HEATR5A: variants seen among roughly 807,000 people sequenced by gnomAD.
HEATR5A encodes the protein HEAT repeat containing 5A.
In HEATR5A, 178 loss-of-function variants were observed where a neutral mutation model predicts 218.8. The ratio of observed to expected loss-of-function variants is 0.81; its 90% CI spans 0.72 to 0.92. The LOEUF (loss-of-function observed/expected upper bound fraction) is 0.92. Among genes scored for constraint, HEATR5A ranks in the 40% least tolerant of loss-of-function variants. The pLI, the probability that HEATR5A is intolerant of heterozygous loss-of-function variation, is 0.00. For missense variants in HEATR5A, 2,420 were observed against 2,418.9 expected (o/e 1.00, Z -0.01); for synonymous variants, 864 against 871.6 (o/e 0.99, Z 0.15).
intron 22 of HEATR5A, chr14:31,334,436 C>T (rs1457862210): frequency 2.2e-6 from 1 of 455,898 alleles, no homozygotes; most frequent in African/African-American, 2.0e-5. Flanking sequence ...GAATCTACTC[C>T]TGGTGAAGAT....
chr14:31,357,629 T>A (rs952014868), intron 16 of HEATR5A, among the ~76,000 whole-genome samples: 9 of 152,216 alleles, frequency 5.9e-5, no homozygotes, highest in Non-Finnish European at 1.3e-4. Context: ...TCATTCTCAA[T>A]GAGAAATCAT....
chr14:31,367,700 G>A (rs1901857656), intron 13 of HEATR5A, among the ~76,000 whole-genome samples: 1 of 147,054 alleles, frequency 6.8e-6, no homozygotes, highest in Non-Finnish European at 1.5e-5. Flanking sequence ...ATTATAGCAT[G>A]AGCCACTGTG....
intron 17 of HEATR5A, 123 bp downstream of exon 17, chr14:31,350,489 A>G (rs1252174297): frequency 1.3e-5 from 8 of 623,696 alleles, no homozygotes; most frequent in Non-Finnish European, 2.2e-5. Context: ...ACTTTTCATC[A>G]AGAGATTAAG....
At chr14:31,375,915 C>A (rs1049026612) in intron 11 of HEATR5A, among the ~76,000 whole-genome samples, 2 of 152,108 alleles carry the variant, frequency 1.3e-5, no homozygotes, top group African/African-American at 4.8e-5. Flanking sequence ...GCTTTTCTCC[C>A]CAGGTACTTT....
chr14:31,295,908 C>G lies in HEATR5A; in HGVS notation c.5619+1G>C. The G allele has an allele frequency of 6.2e-7, 1 of 1,612,708 alleles. No individual in the cohort carries two copies. Among genetic ancestry groups the G allele is most frequent in the Non-Finnish European group, 8.5e-7 (1 of 1,179,032 alleles). Reference sequence around the variant, plus strand: ...ACATCTTTCTGCTAAAAGACACTTACCACAGGATCTTTTATCTCAAGAGTA... The same window carrying G: ...ACATCTTTCTGCTAAAAGACACTTAGCACAGGATCTTTTATCTCAAGAGTA... On this transcript the variant is annotated splice_donor_variant, in intron 34 of 35. Transcript: ENST00000543095. LOFTEE classifies it high-confidence loss of function.
chr14:31,402,771 G>A, intron 2 of HEATR5A, 79 bp downstream of exon 2: 3 of 1,347,988 alleles, frequency 2.2e-6, no homozygotes, highest in Non-Finnish European at 3.0e-6. Context: ...AGGTTATTCT[G>A]GAAAAAACTA....
At position 31,387,212 on chromosome 14, in the gene HEATR5A, C is replaced by G. The variant is rs202041483; in HGVS notation, c.1097G>C (p.Arg366Pro). Reference protein sequence around the residue: ...CCRRCVSFILRTTIGGLLGEK... With the variant: ...CCRRCVSFILPTTIGGLLGEK... ...TCCAAGAAGACCACCTATAGTAGTT[C>G]GAAGAATAAATGAAACACAACGGCG... Residue 366 changes from arginine (R) to proline (P), a missense_variant, in exon 8 of 36, where the codon CGA (arginine) becomes CCA (proline). Physicochemically the swap from Arg to Pro is moderately radical, Grantham distance 103. Coordinates refer to ENST00000543095, the MANE Select transcript of HEATR5A (RefSeq NM_015473.4). 6.2e-7 allele frequency: 1 copy of G among 1,613,746 alleles called. No individual in the cohort carries two copies. Among genetic ancestry groups the G allele is most frequent in the East Asian group, 2.2e-5 (1 of 44,868 alleles).
At chr14:31,389,158 A>G (rs757379227) in intron 6 of HEATR5A, among the ~76,000 whole-genome samples, 153 bp from the exon 7 acceptor site, 12 of 152,228 alleles carry the variant, frequency 7.9e-5, no homozygotes, top group Non-Finnish European at 1.5e-4. Context: ...AGTAACACAC[A>G]AAGTCACACA....
Position 31,371,865 on chromosome 14 carries a change from C to G in HEATR5A, c.1906G>C (p.Glu636Gln), listed in dbSNP as rs942058296. 1.9e-6 allele frequency: 3 copies of G among 1,553,816 alleles called. No individual in the cohort carries two copies. The highest frequency in any genetic ancestry group is 2.6e-6 in the Non-Finnish European group (3 of 1,147,968). ...VSHCGDLLTEEVTQRLLPPLP... is the reference protein window; with the variant it reads ...VSHCGDLLTEQVTQRLLPPLP... ...GGTGGAAGAAGACGCTGAGTTACTTCCTCAGTAAGAAGATCACCACAGTGG... is the reference window on the plus strand; with the variant it reads ...GGTGGAAGAAGACGCTGAGTTACTTGCTCAGTAAGAAGATCACCACAGTGG... Residue 636 changes from glutamate to glutamine, a missense_variant, in exon 13 of 36, where the codon GAA becomes CAA. Glu to Gln is a conservative substitution (Grantham distance 29). Coordinates refer to ENST00000543095, the MANE Select transcript of HEATR5A (RefSeq NM_015473.4).
chr14:31,408,928 A>G (rs2031174526), intron 1 of HEATR5A, among the ~76,000 whole-genome samples: 1 of 50,504 alleles, frequency 2.0e-5, no homozygotes, highest in Non-Finnish European at 4.2e-5. Context: ...CGTCTCTACT[A>G]AAAATACAAA....
intron 13 of HEATR5A, among the ~76,000 whole-genome samples, chr14:31,369,876 G>A (rs1161411234): frequency 6.7e-6 from 1 of 150,278 alleles, no homozygotes; most frequent in Non-Finnish European, 1.5e-5. Flanking sequence ...GGAGGTTGCT[G>A]TGACCGGAGA....
At chr14:31,332,282 C>A (rs892504752) in intron 22 of HEATR5A, among the ~76,000 whole-genome samples, 12 of 152,206 alleles carry the variant, frequency 7.9e-5, no homozygotes, top group African/African-American at 2.9e-4. Context: ...CGCAAAACAG[C>A]AAATTTATTC....
rs566637015 is a variant in HEATR5A, at chr14:31,347,850, G to A, written c.2766C>T (p.Ser922=). 1.2e-5 allele frequency: 19 copies of A among 1,588,222 alleles called. No individual in the cohort carries two copies. Among genetic ancestry groups the A allele is most frequent in the Admixed American group, 5.4e-5 (3 of 55,602 alleles). ...TTATTCCTCCTAAATACCTATGTAG[G>A]GACCCCAAGGCCAATGAGTGTCCTG... ...TRTGHSLALG[S]LHRYLGGISS... is the part of the protein sequence containing the mutation. The change falls in exon 19 of 36, where the codon TCC becomes TCT. Residue 922 remains serine, a synonymous_variant. Coordinates refer to ENST00000543095, the MANE Select transcript of HEATR5A (RefSeq NM_015473.4).
intron 28 of HEATR5A, among the ~76,000 whole-genome samples, chr14:31,311,908 T>C (rs1374734771): frequency 1.3e-5 from 2 of 152,160 alleles, no homozygotes; most frequent in East Asian, 3.8e-4. Context: ...TCTTCCCCCA[T>C]GGGCTGTGGA....
At chr14:31,317,479 G>A (rs1029146453) in intron 26 of HEATR5A, among the ~76,000 whole-genome samples, 3 of 151,246 alleles carry the variant, frequency 2.0e-5, no homozygotes, top group African/African-American at 7.3e-5. Context: ...GCTATTTTTA[G>A]TAGACTGGGT....
chr14:31,368,729 ATTTATTTATTTT>A (rs1277106419), intron 13 of HEATR5A, among the ~76,000 whole-genome samples: 4 of 50,042 alleles, frequency 8.0e-5, no homozygotes, highest in Admixed American at 1.7e-4. Context: ...TTATTTATTT[ATTTATTTATTTT>A]GGTAGAGATG....
At chr14:31,315,689 T>A (rs921219250) in intron 27 of HEATR5A, 81 bp downstream of exon 27, 1 of 1,021,578 alleles carries the variant, frequency 9.8e-7, no homozygotes, top group African/African-American at 1.6e-5. Context: ...TAGTTCATTT[T>A]AAACAGTAAA....
chr14:31,400,521 AAAG>A lies in HEATR5A; in HGVS notation c.127-12_127-10del. On this transcript the variant is annotated splice_polypyrimidine_tract_variant and intron_variant, in intron 2 of 35. Transcript: ENST00000543095. ...TTCTCCCTTACATCATTCTAGAAAG[AAAG>A]ATAACACAAAGACAATTCAAAGTCA... The A allele has an allele frequency of 6.7e-7, 1 of 1,500,896 alleles. No individual in the cohort carries two copies. The highest frequency in any genetic ancestry group is 8.9e-7 in the Non-Finnish European group (1 of 1,117,986). The allele number at this position is 1,500,896 out of a possible 1,614,324, so 93.0% of individuals were successfully genotyped here.
chr14:31,350,800 C>T (rs1417399201), intron 16 of HEATR5A, 83 bp from the exon 17 acceptor site: 49 of 706,546 alleles, frequency 6.9e-5, no homozygotes, highest in Middle Eastern at 3.5e-4. Context: ...TTGTTTGAGA[C>T]GGAGTCTCAC....
Sources: allele counts gnomAD v4.1 joint callset (sites outside exome capture counted in the v4.1 genomes callset), GRCh38; gene constraint gnomAD v4.1.1; transcripts MANE v1.5; gene names NCBI Gene and HGNC (gene_info 2026-07-23, HGNC 2026-07-21).